Variants in SMAP1 observed in about 807,000 individuals in gnomAD.
The protein encoded by SMAP1 is stromal membrane-associated protein 1.
SMAP1 carries 24 observed loss-of-function variants against 58.5 expected under a neutral mutation model. The observed-to-expected ratio is 0.41, with a 90% CI of 0.30 to 0.58. The LOEUF is 0.58. SMAP1 is among the 20% of genes least tolerant of loss of function. SMAP1 has a pLI of 0.29. For synonymous variants in SMAP1, 216 were observed against 196.6 expected, an observed-to-expected ratio of 1.10 and a Z score of -0.82; for missense variants, 563 against 566.3, an observed-to-expected ratio of 0.99 and a Z score of 0.06.
chr6:70,668,678 A>C (rs1562081275), intron 1 of SMAP1: 1 of 1,535,934 alleles, frequency 6.5e-7, no homozygotes, highest in Non-Finnish European at 8.7e-7. Flanking sequence ...CAAGGCTTTT[A>C]TCTCTGCTTC....
intron 1 of SMAP1, among the ~76,000 whole-genome samples, chr6:70,697,001 CTG>C (rs1767431593): frequency 6.6e-6 from 1 of 152,102 alleles, no homozygotes; most frequent in African/African-American, 2.4e-5. Flanking sequence ...ACCTTTATCT[CTG>C]TAGTTTTTCT....
intron 4 of SMAP1, among the ~76,000 whole-genome samples, chr6:70,784,765 T>A (rs1458127633): frequency 6.6e-6 from 1 of 152,164 alleles, no homozygotes; most frequent in African/African-American, 2.4e-5. Flanking sequence ...ATCCTAAATA[T>A]ATATGCACCC....
intron 2 of SMAP1, among the ~76,000 whole-genome samples, chr6:70,742,442 C>T (rs1765854732): frequency 6.6e-6 from 1 of 152,214 alleles, no homozygotes; most frequent in Non-Finnish European, 1.5e-5. Flanking sequence ...GTCACCTTTA[C>T]TCCGGTTCCC....
At chr6:70,788,866 C>G (rs1768208751) in intron 4 of SMAP1, among the ~76,000 whole-genome samples, 1 of 152,146 alleles carries the variant, frequency 6.6e-6, no homozygotes, top group Non-Finnish European at 1.5e-5. Flanking sequence ...GTCAGTTTTA[C>G]TTCGAGAATG....
intron 3 of SMAP1, among the ~76,000 whole-genome samples, chr6:70,771,798 T>C (rs1434959331): frequency 2.0e-5 from 3 of 152,086 alleles, no homozygotes; most frequent in South Asian, 2.1e-4. Context: ...GTGAGATGAA[T>C]CCGGTACCTC....
chr6:70,786,981 C>T (rs1411309459), intron 4 of SMAP1, among the ~76,000 whole-genome samples: 2 of 152,036 alleles, frequency 1.3e-5, no homozygotes, highest in Non-Finnish European at 2.9e-5. Context: ...AAAAAGAGCC[C>T]GCATCGCCAA....
At chr6:70,794,478 G>A (rs1768510027) in intron 5 of SMAP1, among the ~76,000 whole-genome samples, 1 of 152,116 alleles carries the variant, frequency 6.6e-6, no homozygotes, top group South Asian at 2.1e-4. Flanking sequence ...ACAACGTGCA[G>A]GTTTGATACA....
intron 6 of SMAP1, among the ~76,000 whole-genome samples, chr6:70,831,641 C>T (rs1770363524): frequency 6.6e-6 from 1 of 152,076 alleles, no homozygotes; most frequent in Non-Finnish European, 1.5e-5. Context: ...TGTATATGTA[C>T]CACATTTTCT....
At chr6:70,714,533 T>TATCTAA (rs1768185510) in intron 1 of SMAP1, among the ~76,000 whole-genome samples, 5 of 152,196 alleles carry the variant, frequency 3.3e-5, no homozygotes, top group Admixed American at 1.3e-4. Context: ...TTTAGATCTA[T>TATCTAA]TGTATTATGT....
chr6:70,822,747 C>G (rs573817138), intron 6 of SMAP1, among the ~76,000 whole-genome samples: 1 of 152,088 alleles, frequency 6.6e-6, no homozygotes, highest in African/African-American at 2.4e-5. Flanking sequence ...ACGTTCAGTT[C>G]CTTCTTCTCC....
At chr6:70,678,941 C>G (rs1257963153) in intron 1 of SMAP1, among the ~76,000 whole-genome samples, 1 of 151,966 alleles carries the variant, frequency 6.6e-6, no homozygotes, top group Non-Finnish European at 1.5e-5. Context: ...AAGGATAGAA[C>G]AGGACTTCTT....
intron 1 of SMAP1, among the ~76,000 whole-genome samples, chr6:70,673,494 T>C (rs1018583871): frequency 6.6e-6 from 1 of 152,206 alleles, no homozygotes; most frequent in Non-Finnish European, 1.5e-5. Flanking sequence ...GCCCATTTGA[T>C]TGCAAGAGCC....
intron 2 of SMAP1, among the ~76,000 whole-genome samples, chr6:70,750,867 A>C (rs1766246899): frequency 6.6e-6 from 1 of 152,234 alleles, no homozygotes; most frequent in Admixed American, 6.5e-5. Flanking sequence ...GTGCAGTACA[A>C]AATTCATCTT....
At chr6:70,738,221 G>A (rs1375449192) in intron 2 of SMAP1, among the ~76,000 whole-genome samples, 2 of 152,066 alleles carry the variant, frequency 1.3e-5, no homozygotes, top group African/African-American at 4.8e-5. Flanking sequence ...TACCATAGCA[G>A]TTCCAAAAAC....
intron 4 of SMAP1, among the ~76,000 whole-genome samples, chr6:70,781,152 T>G (rs1162409321): frequency 6.6e-6 from 1 of 152,188 alleles, no homozygotes; most frequent in African/African-American, 2.4e-5. Flanking sequence ...GACACCCCAA[T>G]AGAGCATGTA....
At chr6:70,703,723 A>T (rs1023413062) in intron 1 of SMAP1, among the ~76,000 whole-genome samples, 2 of 152,120 alleles carry the variant, frequency 1.3e-5, no homozygotes, top group East Asian at 3.9e-4. Flanking sequence ...TTCAGTGATG[A>T]CTTTTTGCAT....
chr6:70,781,247 A>G (rs1258528569), intron 4 of SMAP1, among the ~76,000 whole-genome samples: 2 of 152,308 alleles, frequency 1.3e-5, no homozygotes, highest in East Asian at 3.9e-4. Flanking sequence ...AAAATATTAA[A>G]TATTAAGATT....
intron 6 of SMAP1, among the ~76,000 whole-genome samples, chr6:70,807,065 G>T (rs1246461891): frequency 1.3e-5 from 2 of 152,204 alleles, no homozygotes; most frequent in South Asian, 2.1e-4. Flanking sequence ...CCCTGTAAAA[G>T]AACTGTGTTC....
intron 5 of SMAP1, among the ~76,000 whole-genome samples, chr6:70,794,524 G>A (rs1035014627): frequency 6.6e-6 from 1 of 152,050 alleles, no homozygotes; most frequent in Admixed American, 6.5e-5. Flanking sequence ...TGCTGCACTC[G>A]TCAACTCATC....
Sources: gnomAD v4.1 joint callset for allele counts (sites outside exome capture counted in the v4.1 genomes callset) on GRCh38, gnomAD v4.1.1 for gene constraint, MANE v1.5 for transcripts, NCBI Gene and HGNC (gene_info 2026-07-23, HGNC 2026-07-21) for gene names.